The following FLI1 variants were observed in gnomAD, a reference collection of about 807,000 sequenced individuals.
FLI1 encodes the protein Friend leukemia integration 1 transcription factor.
A neutral mutation model predicts 53.1 loss-of-function variants in FLI1; 13 were observed. That is an observed-to-expected ratio of 0.24 (90% CI 0.16 to 0.39). FLI1 has a LOEUF of 0.39. FLI1 is among the 10% of genes least tolerant of loss of function. The pLI, the probability that FLI1 is intolerant of heterozygous loss-of-function variation, is 1.00. For synonymous variants in FLI1, 244 were observed against 236.7 expected (o/e 1.03, Z -0.28); for missense variants, 424 against 600.5 (o/e 0.71, Z 3.07).
chr11:128,727,649 T>C (rs1310749501), intron 1 of FLI1, among the ~76,000 whole-genome samples: 1 of 152,232 alleles, frequency 6.6e-6, no homozygotes, highest in Non-Finnish European at 1.5e-5. Context: ...TTCAGCCACA[T>C]GTGTTCATAA....
chr11:128,768,006 C>A lies in FLI1; in HGVS notation c.231-112C>A, dbSNP rs73573746. 0.016 allele frequency: 14,734 copies of A among 897,278 alleles called. 1,389 individuals are homozygous for A. In the African/African-American group the frequency reaches 0.21, roughly 13 times the overall value. The allele number at this position is 897,278 out of a possible 1,614,324, so 55.6% of individuals were successfully genotyped here. ...TCATCATCATGACACCAAGTGTGGC[C>A]GGGCAATGGCTCCATGCTCATCATC... On this transcript the variant is annotated intron_variant, in intron 2 of 8. Transcript: ENST00000527786.
intron 1 of FLI1, among the ~76,000 whole-genome samples, chr11:128,697,794 G>T (rs1938150152): frequency 6.6e-6 from 1 of 152,170 alleles, no homozygotes. Flanking sequence ...CTATTATGTT[G>T]CAAGGCTCTG....
intron 2 of FLI1, among the ~76,000 whole-genome samples, chr11:128,762,449 T>A (rs1941158297): frequency 6.6e-6 from 1 of 152,228 alleles, no homozygotes; most frequent in African/African-American, 2.4e-5. Context: ...ATACGGTTAG[T>A]TGAAAATTGA....
At chr11:128,714,794 C>T (rs545001106) in intron 1 of FLI1, among the ~76,000 whole-genome samples, 103 of 151,210 alleles carry the variant, frequency 6.8e-4, no homozygotes, top group Non-Finnish European at 5.0e-4. Context: ...CAGCAACCTC[C>T]GCCTCCCAGG....
At chr11:128,743,405 T>TA (rs373125181) in intron 1 of FLI1, among the ~76,000 whole-genome samples, 2,391 of 91,434 alleles carry the variant, frequency 0.026, 58 homozygotes, top group Admixed American at 0.056. Flanking sequence ...ACCATGTCTC[T>TA]AAAAAAAAAA....
chr11:128,788,196 A>T (rs1426330047), intron 5 of FLI1, among the ~76,000 whole-genome samples: 1 of 151,980 alleles, frequency 6.6e-6, no homozygotes, highest in African/African-American at 2.4e-5. Context: ...GGGGCCGGGC[A>T]TGGTGGTTCA....
chr11:128,810,766 C>T lies in FLI1; in HGVS notation c.1137C>T (p.Tyr379=), dbSNP rs774448454. 1.2e-5 allele frequency: 19 copies of T among 1,614,086 alleles called. No individual in the cohort carries two copies. Among genetic ancestry groups the T allele is most frequent in the Non-Finnish European group, 1.4e-5 (17 of 1,179,902 alleles). The change falls in exon 9 of 9, where the codon TAC becomes TAT. Residue 379 remains tyrosine, a synonymous_variant. Coordinates refer to ENST00000527786, the MANE Select transcript of FLI1 (RefSeq NM_002017.5). The surrounding 1 kb of genome is among the most constrained non-coding windows in gnomAD (Gnocchi z 6.6). Reference sequence around the variant, plus strand: ...CACATCCGACCGAGTCGTCCATGTACAAGTACCCTTCTGACATCTCCTACA... The same window carrying T: ...CACATCCGACCGAGTCGTCCATGTATAAGTACCCTTCTGACATCTCCTACA... ...LQPHPTESSM[Y]KYPSDISYMP...
At chr11:128,764,723 G>A (rs1371735105) in intron 2 of FLI1, 17 of 1,565,364 alleles carry the variant, frequency 1.1e-5, no homozygotes, top group Non-Finnish European at 1.4e-5. Flanking sequence ...CGGCAGCCGT[G>A]GAGCCCCATG....
chr11:128,800,710 C>A (rs892311829), intron 5 of FLI1, among the ~76,000 whole-genome samples: 4 of 152,192 alleles, frequency 2.6e-5, no homozygotes, highest in Admixed American at 6.5e-5. Flanking sequence ...TCAAATTCAG[C>A]CCCACTAAGC....
intron 5 of FLI1, among the ~76,000 whole-genome samples, chr11:128,790,443 G>T (rs969158261): frequency 6.6e-6 from 1 of 152,082 alleles, no homozygotes; most frequent in African/African-American, 2.4e-5. Context: ...TAGCCAGCCC[G>T]CCCTGTCCTG....
chr11:128,795,646 G>T (rs1194220653), intron 5 of FLI1, among the ~76,000 whole-genome samples: 2 of 150,746 alleles, frequency 1.3e-5, no homozygotes. Context: ...CGCCTCCCGG[G>T]TTCACACCAT....
chr11:128,741,236 T>C (rs1940124181), intron 1 of FLI1, among the ~76,000 whole-genome samples: 1 of 151,894 alleles, frequency 6.6e-6, no homozygotes, highest in Admixed American at 6.5e-5. Context: ...TCTACTAAAA[T>C]ACAAAAATTA....
chr11:128,792,633 C>T (rs907678358), intron 5 of FLI1, among the ~76,000 whole-genome samples: 6 of 151,738 alleles, frequency 4.0e-5, no homozygotes, highest in East Asian at 3.9e-4. Context: ...GAAAGACCAA[C>T]GTATAGGAAG....
At chr11:128,797,761 G>A (rs143050673) in intron 5 of FLI1, among the ~76,000 whole-genome samples, 317 of 152,238 alleles carry the variant, frequency 2.1e-3, no homozygotes, top group Non-Finnish European at 3.3e-3. Context: ...TGGTGATGGC[G>A]AGGGGCAAGA....
chr11:128,777,605 A>G (rs1345325571), intron 4 of FLI1, among the ~76,000 whole-genome samples: 3 of 152,340 alleles, frequency 2.0e-5, no homozygotes, highest in Non-Finnish European at 4.4e-5. Context: ...ACAGAATGCC[A>G]GCTGAACAAA....
intron 6 of FLI1, chr11:128,805,702 CCAATGAATGGTCA>C: frequency 2.6e-6 from 1 of 381,218 alleles, no homozygotes; most frequent in Non-Finnish European, 4.7e-6. Context: ...AGGTTCTGTA[CCAATGAATGGTCA>C]CTGTCACTGG....
chr11:128,792,575 C>T (rs1942304053), intron 5 of FLI1, among the ~76,000 whole-genome samples: 1 of 152,180 alleles, frequency 6.6e-6, no homozygotes, highest in Admixed American at 6.5e-5. Context: ...GGAGAGGAAG[C>T]TTCTTCCATG....
intron 5 of FLI1, among the ~76,000 whole-genome samples, chr11:128,803,317 G>A (rs1018831157): frequency 1.8e-4 from 27 of 152,166 alleles, no homozygotes; most frequent in Admixed American, 1.4e-3. Flanking sequence ...CACCTGCAAC[G>A]CCAAGGTCCC....
At chr11:128,768,092 C>A in intron 2 of FLI1, 26 bp from the exon 3 acceptor site, 1 of 1,591,618 alleles carries the variant, frequency 6.3e-7, no homozygotes, top group Non-Finnish European at 8.6e-7. Context: ...CTGACCGCCT[C>A]TGGGCTTTGT....
Sources: allele counts gnomAD v4.1 joint callset (sites outside exome capture counted in the v4.1 genomes callset), GRCh38; gene constraint gnomAD v4.1.1; non-coding constraint Gnocchi (gnomAD v3.1); transcripts MANE v1.5; gene names NCBI Gene and HGNC (gene_info 2026-07-23, HGNC 2026-07-21).